Variants in RFC3 observed in about 807,000 individuals in gnomAD.
The protein encoded by RFC3 is replication factor C subunit 3, also known as A1 38 kDa subunit.
A neutral mutation model predicts 45.1 loss-of-function variants in RFC3; 41 were observed. The observed-to-expected ratio is 0.91, with a 90% confidence interval of 0.71 to 1.18. The LOEUF (loss-of-function observed/expected upper bound fraction) is 1.18. Ranked by LOEUF, RFC3 falls within the 50% of genes most tolerant of loss-of-function variation. The probability of loss-of-function intolerance (pLI) is 0.00; values close to 1 mark genes in which losing one functional copy is unlikely to be tolerated. For missense variants in RFC3, 423 were observed against 428.1 expected, an observed-to-expected ratio of 0.99 and a Z score of 0.10; for synonymous variants, 149 against 144.0, an observed-to-expected ratio of 1.03 and a Z score of -0.25.
intron 8 of RFC3, among the ~76,000 whole-genome samples, chr13:33,939,980 G>A (rs922623314): frequency 2.4e-4 from 36 of 152,028 alleles, no homozygotes; most frequent in African/African-American, 5.1e-4. Context: ...ATCCATCTTC[G>A]TAAAAGTTTA....
chr13:33,854,572 G>T (rs528346098), intron 8 of RFC3, among the ~76,000 whole-genome samples: 2 of 152,258 alleles, frequency 1.3e-5, no homozygotes, highest in Admixed American at 6.6e-5. Context: ...TAGCAGATGG[G>T]TTTCATGTCC....
intron 8 of RFC3, among the ~76,000 whole-genome samples, chr13:33,843,105 A>G (rs1253746131): frequency 2.0e-5 from 3 of 151,894 alleles, no homozygotes; most frequent in Admixed American, 6.6e-5. Flanking sequence ...AAAAACCTCA[A>G]CTCTTGGCAG....
intron 8 of RFC3, among the ~76,000 whole-genome samples, chr13:33,875,908 A>G (rs916810857): frequency 6.6e-6 from 1 of 152,226 alleles, no homozygotes; most frequent in Non-Finnish European, 1.5e-5. Context: ...AGCTAATCAT[A>G]GCAGCCCTCT....
intron 8 of RFC3, among the ~76,000 whole-genome samples, chr13:33,935,836 T>A (rs1185250287): frequency 6.6e-6 from 1 of 152,166 alleles, no homozygotes; most frequent in South Asian, 2.1e-4. Context: ...TAAGAATACT[T>A]GACAAAACTT....
chr13:33,906,489 C>G (rs1010627044), intron 8 of RFC3, among the ~76,000 whole-genome samples: 1 of 147,060 alleles, frequency 6.8e-6, no homozygotes, highest in Non-Finnish European at 1.5e-5. Context: ...TCATCACTTT[C>G]CATGAAGACG....
At chr13:33,842,609 C>T (rs1566390493) in intron 8 of RFC3, among the ~76,000 whole-genome samples, 1 of 152,212 alleles carries the variant, frequency 6.6e-6, no homozygotes, top group Admixed American at 6.5e-5. Context: ...CAGTTCTCTA[C>T]CTGGGTTTTT....
intron 8 of RFC3, among the ~76,000 whole-genome samples, chr13:33,890,137 T>A (rs1298257727): frequency 1.3e-5 from 2 of 152,152 alleles, no homozygotes; most frequent in African/African-American, 4.8e-5. Flanking sequence ...CCGAGGGTGT[T>A]GAGGTTCAGT....
rs748087235 is a variant in RFC3, at chr13:33,836,105, G to A, written c.881G>A (p.Gly294Asp). 7 of 1,601,254 alleles carry A rather than the reference G, an allele frequency of 4.4e-6. No individual in the cohort carries two copies. Among genetic ancestry groups the A allele is most frequent in the Non-Finnish European group, 6.0e-6 (7 of 1,170,542 alleles). The change falls in exon 9 of 9, where the codon GGC (glycine) becomes GAC (aspartate). Residue 294 changes from glycine to aspartate, a missense_variant and splice_region_variant. Coordinates refer to ENST00000380071, the MANE Select transcript of RFC3 (RefSeq NM_002915.4). ...AAATTACTGATTATTTTTGTTTAGG[G>A]CCTTCTCTCAGAACTGTTACATAAT... The part of the protein sequence containing the change: ...HCIPPEIIMK[G>D]LLSELLHNCD...
chr13:33,867,553 G>A (rs2082381504), intron 8 of RFC3, among the ~76,000 whole-genome samples: 1 of 152,102 alleles, frequency 6.6e-6, no homozygotes, highest in Non-Finnish European at 1.5e-5. Flanking sequence ...GAGGAAATAG[G>A]GCCTCACTAC....
intron 8 of RFC3, among the ~76,000 whole-genome samples, chr13:33,844,010 T>C (rs2082219179): frequency 6.6e-6 from 1 of 152,202 alleles, no homozygotes; most frequent in African/African-American, 2.4e-5. Flanking sequence ...CCCATCTTGT[T>C]GGGTTTGTTC....
intron 8 of RFC3, among the ~76,000 whole-genome samples, chr13:33,900,714 C>G (rs2082635011): frequency 6.6e-6 from 1 of 150,440 alleles, no homozygotes; most frequent in African/African-American, 2.4e-5. Flanking sequence ...AGCTTCTGCA[C>G]AACAAAAGAA....
intron 8 of RFC3, among the ~76,000 whole-genome samples, chr13:33,946,528 C>A (rs61007665): frequency 1.3e-5 from 2 of 152,002 alleles, no homozygotes; most frequent in African/African-American, 4.8e-5. Context: ...AAATAGTAAA[C>A]CCTTTACATG....
At chr13:33,827,289 C>CA (rs1003829902) in intron 4 of RFC3, among the ~76,000 whole-genome samples, 27 of 151,644 alleles carry the variant, frequency 1.8e-4, no homozygotes, top group South Asian at 4.2e-4. Flanking sequence ...ACTATATCTC[C>CA]AAAAAAAGGC....
intron 8 of RFC3, among the ~76,000 whole-genome samples, chr13:33,856,589 C>T (rs1416980792): frequency 6.6e-6 from 1 of 152,160 alleles, no homozygotes; most frequent in African/African-American, 2.4e-5. Flanking sequence ...GTAAGCAAGT[C>T]ATGGAATACA....
chr13:33,840,689 G>GTA (rs538501003), downstream of RFC3, among the ~76,000 whole-genome samples: 394 of 135,570 alleles, frequency 2.9e-3, no homozygotes, highest in African/African-American at 9.9e-3. Context: ...CCATTTATAC[G>GTA]TAGTTTTTTT....
chr13:33,828,498 C>G (rs1285423919), intron 4 of RFC3, among the ~76,000 whole-genome samples: 1 of 152,186 alleles, frequency 6.6e-6, no homozygotes, highest in Non-Finnish European at 1.5e-5. Context: ...TTGCTCTCAC[C>G]CATAAATTGG....
chr13:33,830,631 A>T (rs3135601), intron 5 of RFC3, 88 bp from the exon 6 acceptor site: 15,872 of 999,134 alleles, frequency 0.016, 293 homozygotes, highest in African/African-American at 0.068. Flanking sequence ...AGAGTAATAC[A>T]GTTATAAGGG....
At chr13:33,912,112 T>A (rs2082707009) in intron 8 of RFC3, among the ~76,000 whole-genome samples, 1 of 151,994 alleles carries the variant, frequency 6.6e-6, no homozygotes, top group Admixed American at 6.6e-5. Flanking sequence ...CTGGTCAAGA[T>A]GAAGAAAGGG....
At position 33,909,175 on chromosome 13, in the gene RFC3, G is replaced by A. The variant is rs183793932; in HGVS notation, c.880-56912G>A. On this transcript the variant is annotated intron_variant, in intron 8 of 8. Transcript: ENST00000434425. ...GTAATATACATTTTTTTTTTCAGGC[G>A]AGATTTAAGAGAATTAAAAGCAGGG... Among the ~76,000 whole-genome samples the A allele has an allele frequency of 6.8e-3, 1,031 of 151,432 alleles. 10 individuals are homozygous for A. Among genetic ancestry groups the A allele is most frequent in the Middle Eastern group, 0.031 (9 of 292 alleles).
Sources: gnomAD v4.1 joint callset for allele counts (sites outside exome capture counted in the v4.1 genomes callset) on GRCh38, gnomAD v4.1.1 for gene constraint, MANE v1.5 for transcripts, NCBI Gene and HGNC (gene_info 2026-07-23, HGNC 2026-07-21) for gene names.